Variants in COL13A1 observed in about 807,000 individuals in gnomAD.
COL13A1 encodes collagen alpha-1(XIII) chain.
In COL13A1, 89 loss-of-function variants were observed where a neutral mutation model predicts 130.9. The observed-to-expected ratio is 0.68, with a 90% CI of 0.57 to 0.81. The LOEUF (loss-of-function observed/expected upper bound fraction) is 0.81. Among genes scored for constraint, COL13A1 ranks in the 30% least tolerant of loss-of-function variants. COL13A1 has a pLI of 0.00. For synonymous variants in COL13A1, 402 were observed against 341.6 expected (o/e 1.18, Z -1.95); for missense variants, 879 against 934.6 (o/e 0.94, Z 0.78).
rs566485872 is a variant in COL13A1 at position 69,904,608 on chromosome 10, T to C, written c.859-325T>C. On this transcript the variant is annotated intron_variant, in intron 15 of 40. Coordinates refer to ENST00000645393, the MANE Select transcript of COL13A1 (RefSeq NM_001368882.1). ...CTAGGGAGGGGTTCCAATTAGGAGG[T>C]GGGTGAATGAGGATCTGGACCAAAC... 2.0e-5 allele frequency among the ~76,000 whole-genome samples: 3 copies of C among 152,112 alleles called. No homozygotes were observed. In the East Asian group the frequency reaches 5.8e-4, roughly 29 times the overall value.
intron 1 of COL13A1, 77 bp from the exon 2 acceptor site, chr10:69,822,292 C>G (rs574460672): frequency 8.5e-7 from 1 of 1,171,996 alleles, no homozygotes; most frequent in Non-Finnish European, 1.2e-6. Context: ...CTGCCCTCCT[C>G]GTCAGCCCAC....
At chr10:69,820,285 C>A (rs1391601612) in intron 1 of COL13A1, among the ~76,000 whole-genome samples, 2 of 152,242 alleles carry the variant, frequency 1.3e-5, no homozygotes, top group East Asian at 3.9e-4. Flanking sequence ...CCCACTCATG[C>A]CACAAATTCT....
chr10:69,843,274 AGAG>A (rs368614512), intron 2 of COL13A1, among the ~76,000 whole-genome samples: 93 of 152,254 alleles, frequency 6.1e-4, no homozygotes, highest in African/African-American at 2.2e-3. Context: ...AGGAGCGAGA[AGAG>A]GAGGAGGAGT....
At chr10:69,875,049 C>T in intron 4 of COL13A1, 79 bp from the exon 5 acceptor site, 6 of 1,585,844 alleles carry the variant, frequency 3.8e-6, no homozygotes, top group Non-Finnish European at 5.2e-6. Context: ...AAATCAGGTG[C>T]ACAGTTTGCC....
At chr10:69,865,211 G>C (rs1427243915) in intron 2 of COL13A1, among the ~76,000 whole-genome samples, 1 of 152,206 alleles carries the variant, frequency 6.6e-6, no homozygotes, top group East Asian at 1.9e-4. Context: ...CTGTACTGTG[G>C]GGACTTGGTA....
intron 3 of COL13A1, among the ~76,000 whole-genome samples, chr10:69,870,148 AG>A (rs983871256): frequency 6.6e-6 from 1 of 152,056 alleles, no homozygotes; most frequent in Non-Finnish European, 1.5e-5. Context: ...GGATGTTGTA[AG>A]GTATATGTGT....
In COL13A1 at chr10:69,802,808, G is replaced by T. The variant is rs552429488; in HGVS notation, c.294+91G>T. The T allele has an allele frequency of 5.3e-6, 8 of 1,521,638 alleles. No homozygotes were observed. The African/African-American group carries it at 1.1e-4, about 21-fold the overall frequency. The allele number at this position is 1,521,638 out of a possible 1,614,324, so 94.3% of individuals were successfully genotyped here. On this transcript the variant is annotated intron_variant, in intron 1 of 40. Transcript: ENST00000645393. ...GTTCAGCCGGTGTCCGCGGGCGCTC[G>T]CTCTCTGCGAGCCCCAGGTTCGCGC...
intron 2 of COL13A1, among the ~76,000 whole-genome samples, chr10:69,865,569 G>A (rs1290586269): frequency 6.6e-6 from 1 of 152,220 alleles, no homozygotes; most frequent in Non-Finnish European, 1.5e-5. Context: ...TATAGCACCT[G>A]TATAGCTCTT....
intron 2 of COL13A1, among the ~76,000 whole-genome samples, chr10:69,846,222 G>T (rs1284807317): frequency 6.6e-6 from 1 of 152,256 alleles, no homozygotes; most frequent in Admixed American, 6.5e-5. Flanking sequence ...GTAACAAGGG[G>T]CTGGGGGTGG....
intron 37 of COL13A1, among the ~76,000 whole-genome samples, chr10:69,946,069 CA>C (rs1312333033): frequency 8.1e-6 from 1 of 124,186 alleles, no homozygotes; most frequent in East Asian, 2.4e-4. Flanking sequence ...GACTCCATCT[CA>C]AAAAAACGAA....
At chr10:69,949,024 G>A (rs1028065134) in intron 38 of COL13A1, among the ~76,000 whole-genome samples, 3 of 152,258 alleles carry the variant, frequency 2.0e-5, no homozygotes, top group Admixed American at 6.5e-5. Context: ...GAGGTGGCAC[G>A]CACCTTTCTT....
In COL13A1 at chr10:69,824,690, C is replaced by T. The variant is rs1048488558; in HGVS notation, c.364+2252C>T. On this transcript the variant is annotated intron_variant, in intron 2 of 40. Transcript: ENST00000645393. ...ACCTTGGTCCTCTGCGGGGAAGGGA[C>T]AGCAGCAAGGGCTGAGTTGGCCAGG... is the stretch of plus-strand genomic sequence containing the variant. 2.6e-5 allele frequency among the ~76,000 whole-genome samples: 4 copies of T among 152,116 alleles called. No individual in the cohort carries two copies. The South Asian group carries it at 8.3e-4, about 32-fold the overall frequency.
At chr10:69,803,999 A>G (rs1309504371) in intron 1 of COL13A1, among the ~76,000 whole-genome samples, 2 of 152,116 alleles carry the variant, frequency 1.3e-5, no homozygotes, top group Non-Finnish European at 2.9e-5. Flanking sequence ...GCCAGAGCAG[A>G]GAGAGCGGTC....
At chr10:69,902,236 C>T (rs182344694) in intron 14 of COL13A1, among the ~76,000 whole-genome samples, 35 of 152,316 alleles carry the variant, frequency 2.3e-4, no homozygotes, top group African/African-American at 8.2e-4. Flanking sequence ...GGGCTTTGAC[C>T]TAAGGATCCC....
At chr10:69,947,691 C>T (rs1439280529) in intron 38 of COL13A1, among the ~76,000 whole-genome samples, 1 of 152,206 alleles carries the variant, frequency 6.6e-6, no homozygotes, top group African/African-American at 2.4e-5. Context: ...CTACCTTGTC[C>T]TTGCCCTCTG....
At chr10:69,880,592 TG>T in intron 7 of COL13A1, 39 bp downstream of exon 7, 1 of 1,607,048 alleles carries the variant, frequency 6.2e-7, no homozygotes, top group Non-Finnish European at 8.5e-7. Context: ...GTTGGGGGGA[TG>T]GGTGAGTTGA....
intron 7 of COL13A1, among the ~76,000 whole-genome samples, chr10:69,881,390 C>T (rs2060125257): frequency 6.6e-6 from 1 of 152,190 alleles, no homozygotes; most frequent in Admixed American, 6.5e-5. Flanking sequence ...ACCTTCTGCA[C>T]TTTTCCTGAC....
intron 27 of COL13A1, among the ~76,000 whole-genome samples, chr10:69,927,591 T>C (rs1228700566): frequency 7.9e-5 from 12 of 152,218 alleles, no homozygotes; most frequent in Admixed American, 7.9e-4. Context: ...TTTGTACAGG[T>C]GCCTACCGGT....
intron 31 of COL13A1, among the ~76,000 whole-genome samples, chr10:69,933,013 A>C (rs2066332188): frequency 6.6e-6 from 1 of 151,632 alleles, no homozygotes; most frequent in Non-Finnish European, 1.5e-5. Context: ...GCAGGTGCCT[A>C]TAATCCCAGC....
Sources: gnomAD v4.1 joint callset for allele counts (sites outside exome capture counted in the v4.1 genomes callset) on GRCh38, gnomAD v4.1.1 for gene constraint, MANE v1.5 for transcripts, NCBI Gene and HGNC (gene_info 2026-07-23, HGNC 2026-07-21) for gene names.